Variants in CCR5AS observed in about 807,000 individuals in gnomAD.
CCR5AS encodes the protein CCR5 antisense RNA.
intron 1 of CCR5AS, among the ~76,000 whole-genome samples, chr3:46,400,692 A>G (rs1416789512): frequency 6.6e-6 from 1 of 152,232 alleles, no homozygotes; most frequent in Non-Finnish European, 1.5e-5. Context: ...GTCCACATGG[A>G]CAACTAAGCC....
chr3:46,382,873 C>G (rs1701827891), intron 2 of CCR5AS, among the ~76,000 whole-genome samples: 1 of 152,124 alleles, frequency 6.6e-6, no homozygotes, highest in African/African-American at 2.4e-5. Flanking sequence ...TTACTGTTTC[C>G]AAGCCTCAGC....
intron 2 of CCR5AS, among the ~76,000 whole-genome samples, chr3:46,376,795 T>C (rs1701764875): frequency 1.3e-5 from 2 of 152,302 alleles, no homozygotes; most frequent in South Asian, 2.1e-4. Context: ...CCCGTCTGGG[T>C]CACGTTCACA....
chr3:46,375,478 T>A (rs1211972017), intron 2 of CCR5AS: 1 of 166,612 alleles, frequency 6.0e-6, no homozygotes, highest in East Asian at 1.9e-4. Context: ...CCCATAGAGG[T>A]GAGGGAAGCC....
intron 2 of CCR5AS, among the ~76,000 whole-genome samples, chr3:46,378,447 T>C (rs1701783434): frequency 6.6e-6 from 1 of 152,214 alleles, no homozygotes; most frequent in Non-Finnish European, 1.5e-5. Flanking sequence ...GGACTTATTT[T>C]TGTTTCTCTG....
intron 2 of CCR5AS, among the ~76,000 whole-genome samples, chr3:46,378,609 G>C (rs1470951018): frequency 6.6e-6 from 1 of 152,188 alleles, no homozygotes; most frequent in African/African-American, 2.4e-5. Context: ...CCATGGAGAA[G>C]ACACACGAGG....
chr3:46,364,164 G>T (rs982038590), downstream of CCR5AS, among the ~76,000 whole-genome samples: 2 of 152,374 alleles, frequency 1.3e-5, no homozygotes, highest in South Asian at 4.1e-4. Context: ...TATGTTGGAA[G>T]AAGATGCCAT....
At chr3:46,374,158 G>C in intron 2 of CCR5AS, 1 of 415,542 alleles carries the variant, frequency 2.4e-6, no homozygotes, top group Middle Eastern at 6.4e-4. Flanking sequence ...ATTATAGAAA[G>C]CCAAATCAAA....
chr3:46,374,905 G>A (rs41345848), intron 2 of CCR5AS: 45 of 167,522 alleles, frequency 2.7e-4, no homozygotes, highest in Non-Finnish European at 4.8e-4. Context: ...GGAGGTATTC[G>A]TAAGGATGGG....
intron 1 of CCR5AS, among the ~76,000 whole-genome samples, chr3:46,405,216 A>G (rs1702034059): frequency 6.6e-6 from 1 of 152,178 alleles, no homozygotes; most frequent in Non-Finnish European, 1.5e-5. Context: ...ATAAAATAAT[A>G]CTGAAAGTGA....
At chr3:46,382,902 G>A (rs1313271666) in intron 2 of CCR5AS, among the ~76,000 whole-genome samples, 1 of 152,118 alleles carries the variant, frequency 6.6e-6, no homozygotes, top group East Asian at 1.9e-4. Flanking sequence ...CTGTAATTGG[G>A]GCTAATAATA....
At chr3:46,388,272 C>T (rs1364133870) in intron 2 of CCR5AS, among the ~76,000 whole-genome samples, 1 of 151,660 alleles carries the variant, frequency 6.6e-6, no homozygotes, top group Non-Finnish European at 1.5e-5. Context: ...ACACAGGAAC[C>T]TAGAGAGTGG....
intron 2 of CCR5AS, among the ~76,000 whole-genome samples, chr3:46,377,446 A>G (rs183093473): frequency 6.6e-6 from 1 of 152,318 alleles, no homozygotes; most frequent in East Asian, 1.9e-4. Context: ...TAATGTGAAA[A>G]TTCATAAACT....
At chr3:46,369,425 T>C (rs74686436) in intron 3 of CCR5AS, among the ~76,000 whole-genome samples, 2 of 146,616 alleles carry the variant, frequency 1.4e-5, no homozygotes, top group East Asian at 4.0e-4. Context: ...CACAGACATA[T>C]GTCCCTATAT....
At chr3:46,403,131 T>C (rs1442276057) in intron 1 of CCR5AS, among the ~76,000 whole-genome samples, 1 of 152,210 alleles carries the variant, frequency 6.6e-6, no homozygotes, top group African/African-American at 2.4e-5. Flanking sequence ...TTTCTTTATC[T>C]AATCTGTCAT....
intron 3 of CCR5AS, among the ~76,000 whole-genome samples, chr3:46,367,059 G>T (rs1419129705): frequency 6.6e-6 from 1 of 152,098 alleles, no homozygotes; most frequent in Non-Finnish European, 1.5e-5. Flanking sequence ...TTTGTTGAAT[G>T]AATGAAGCCA....
chr3:46,369,654 G>A (rs1298733043), intron 3 of CCR5AS, among the ~76,000 whole-genome samples: 1 of 152,206 alleles, frequency 6.6e-6, no homozygotes, highest in East Asian at 1.9e-4. Context: ...ACTGCTGAAA[G>A]AGTAACTAAG....
intron 3 of CCR5AS, chr3:46,371,201 C>T (rs903940425): frequency 6.6e-6 from 1 of 152,178 alleles, no homozygotes; most frequent in Non-Finnish European, 1.5e-5. Context: ...GAGTGAAAGA[C>T]TTTAAAGGGA....
chr3:46,396,597 C>A (rs1213152464), intron 1 of CCR5AS, among the ~76,000 whole-genome samples: 2 of 152,246 alleles, frequency 1.3e-5, no homozygotes, highest in African/African-American at 4.8e-5. Flanking sequence ...ATCTACTCCC[C>A]TTTCTGGGAA....
Position 46,373,794 on chromosome 3 carries a change from GC to G in CCR5AS, n.392-2378del, listed in dbSNP as rs796065305. 435 of 1,613,942 alleles carry G rather than the reference GC, an allele frequency of 2.7e-4. No individual in the cohort carries two copies. The East Asian group carries it at 9.4e-3, about 35-fold the overall frequency. On this transcript the variant is annotated intron_variant and non_coding_transcript_variant, in intron 2 of 3. Transcript: ENST00000451485. The stretch of plus-strand genomic sequence containing the variant: ...CTGCTGCATCAACCCCATCATCTAT[GC>G]CTTTGTCGGGGAGAAGTTCAGAAAC...
Sources: gnomAD v4.1 joint callset for allele counts (sites outside exome capture counted in the v4.1 genomes callset) on GRCh38, gnomAD v4.1.1 for gene constraint, MANE v1.5 for transcripts, NCBI Gene and HGNC (gene_info 2026-07-23, HGNC 2026-07-21) for gene names.